The following GLIS3 variants were observed in gnomAD, a reference collection of about 807,000 sequenced individuals.
GLIS3 encodes the protein zinc finger protein GLIS3.
Under a neutral mutation model 78.6 loss-of-function variants are expected in GLIS3, and 53 were observed. That is an observed-to-expected ratio of 0.67 (90% confidence interval 0.54 to 0.85). The LOEUF is 0.85. Among genes scored for constraint, GLIS3 ranks in the 40% least tolerant of loss-of-function variants. GLIS3 has a pLI of 0.00. For synonymous variants in GLIS3, 684 were observed against 509.9 expected (o/e 1.34, Z -4.60); for missense variants, 1,703 against 1,231.1 (o/e 1.38, Z -5.74).
At chr9:4,229,623 T>C (rs947018738) in intron 2 of GLIS3, among the ~76,000 whole-genome samples, 17 of 152,300 alleles carry the variant, frequency 1.1e-4, no homozygotes, top group Middle Eastern at 3.4e-3. Flanking sequence ...AAGAAAAAAA[T>C]ATTTCCAGTT....
intron 4 of GLIS3, among the ~76,000 whole-genome samples, chr9:4,098,723 A>C (rs914949748): frequency 1.3e-5 from 2 of 152,196 alleles, no homozygotes; most frequent in Non-Finnish European, 1.5e-5. Context: ...TTATCGTAAA[A>C]AGTTTTACGA....
At chr9:4,356,334 C>G in the GLIS3 span, among the ~76,000 whole-genome samples, 1 of 152,196 alleles carries the variant, frequency 6.6e-6, no homozygotes, top group African/African-American at 2.4e-5. Context: ...ATCACTAACT[C>G]TCCAGCTACA....
At chr9:4,172,607 T>G (rs1206672602) in intron 2 of GLIS3, among the ~76,000 whole-genome samples, 1 of 152,196 alleles carries the variant, frequency 6.6e-6, no homozygotes, top group Non-Finnish European at 1.5e-5. Flanking sequence ...GAATGAATGA[T>G]AAATGAATAA....
chr9:4,206,948 C>A (rs1357214988), intron 2 of GLIS3, among the ~76,000 whole-genome samples: 1 of 152,164 alleles, frequency 6.6e-6, no homozygotes, highest in Non-Finnish European at 1.5e-5. Flanking sequence ...TGCTTAATAT[C>A]CTTATTTGGA....
chr9:3,918,814 A>G (rs1313942356), intron 6 of GLIS3, among the ~76,000 whole-genome samples: 2 of 152,240 alleles, frequency 1.3e-5, no homozygotes, highest in African/African-American at 2.4e-5. Flanking sequence ...GTCACCCTCA[A>G]TCAGAATGCC....
At chr9:4,394,562 G>A in the GLIS3 span, among the ~76,000 whole-genome samples, 6 of 152,168 alleles carry the variant, frequency 3.9e-5, no homozygotes, top group Admixed American at 3.3e-4. Context: ...GTGGGTGGAA[G>A]GAAAATTTAC....
intron 4 of GLIS3, among the ~76,000 whole-genome samples, chr9:4,093,593 G>T (rs1261303697): frequency 2.6e-5 from 4 of 152,124 alleles, no homozygotes; most frequent in Non-Finnish European, 5.9e-5. Context: ...CTTATTATGG[G>T]CTTGGCCTTC....
At chr9:4,259,531 C>A (rs34498325) in intron 2 of GLIS3, among the ~76,000 whole-genome samples, 1 of 151,932 alleles carries the variant, frequency 6.6e-6, no homozygotes, top group South Asian at 2.1e-4. Flanking sequence ...AAGCTGTTGA[C>A]AACTCACTAA....
At chr9:4,272,721 G>C (rs993832619) in intron 2 of GLIS3, among the ~76,000 whole-genome samples, 4 of 152,108 alleles carry the variant, frequency 2.6e-5, no homozygotes, top group African/African-American at 9.7e-5. Context: ...AAGTAATTTT[G>C]CTATTAACTT....
At chr9:4,347,970 T>C (rs1321734398) in intron 1 of GLIS3, among the ~76,000 whole-genome samples, 2 of 152,296 alleles carry the variant, frequency 1.3e-5, no homozygotes, top group Admixed American at 6.5e-5. Context: ...AGGAGTACCC[T>C]CATTAAAAAT....
chr9:4,125,465 C>T (rs1298226049), intron 3 of GLIS3, among the ~76,000 whole-genome samples: 1 of 152,192 alleles, frequency 6.6e-6, no homozygotes, highest in East Asian at 1.9e-4. Context: ...GTTTCAGTCA[C>T]TGAGGCCCCA....
At chr9:4,066,828 G>A (rs1198900845) in intron 4 of GLIS3, among the ~76,000 whole-genome samples, 1 of 152,312 alleles carries the variant, frequency 6.6e-6, no homozygotes, top group East Asian at 1.9e-4. Context: ...CACTGCTGCA[G>A]CAGCATGTGG....
chr9:4,100,671 C>G (rs948149242), intron 4 of GLIS3, among the ~76,000 whole-genome samples: 1 of 151,968 alleles, frequency 6.6e-6, no homozygotes, highest in African/African-American at 2.4e-5. Flanking sequence ...ACTCAGTTGA[C>G]TGTTTCTACA....
At chr9:4,422,812 C>T in the GLIS3 span, among the ~76,000 whole-genome samples, 1 of 152,162 alleles carries the variant, frequency 6.6e-6, no homozygotes, top group Non-Finnish European at 1.5e-5. Flanking sequence ...GATATTTGCA[C>T]TGAGACCTAG....
rs1314319443 is a variant in GLIS3, at chr9:4,118,059, G to A, written c.1419C>T (p.Leu473=). 1 of 1,583,698 alleles carries A rather than the reference G, an allele frequency of 6.3e-7. No individual in the cohort carries two copies. Among genetic ancestry groups the A allele is most frequent in the Non-Finnish European group, 8.6e-7 (1 of 1,165,032 alleles). The change falls in exon 4 of 11, where the codon CTC becomes CTT. Residue 473 remains leucine, a synonymous_variant. Transcript: ENST00000381971. The surrounding 1 kb of genome is among the most constrained non-coding windows in gnomAD (Gnocchi z 4.7). ...AGGCCAGCTGCTGGGCGTGGGGCCC[G>A]AGCTCCGGGTGGTGAAGGTGCGCAT... ...HAHAHLHHPE[L]GPHAQQLALP...
At chr9:4,443,173 C>T in the GLIS3 span, among the ~76,000 whole-genome samples, 8 of 152,196 alleles carry the variant, frequency 5.3e-5, no homozygotes, top group Admixed American at 5.2e-4. Context: ...TCTCATGGAA[C>T]ATTCTAGAGT....
chr9:3,907,602 C>G (rs376362569), intron 6 of GLIS3, among the ~76,000 whole-genome samples: 1 of 81,470 alleles, frequency 1.2e-5, no homozygotes, highest in African/African-American at 4.8e-5. Flanking sequence ...CCTCCACCCC[C>G]CAAACACACA....
chr9:4,345,419 A>T (rs1188875103), intron 2 of GLIS3, among the ~76,000 whole-genome samples: 1 of 152,020 alleles, frequency 6.6e-6, no homozygotes, highest in East Asian at 1.9e-4. Flanking sequence ...TATATTTTCC[A>T]TATCTGTTTA....
intron 7 of GLIS3, among the ~76,000 whole-genome samples, chr9:3,894,596 G>A (rs1458927231): frequency 1.3e-5 from 2 of 152,024 alleles, no homozygotes; most frequent in Non-Finnish European, 2.9e-5. Flanking sequence ...TTGTAAGAGA[G>A]AAGCCGTCAC....
Sources: gnomAD v4.1 joint callset for allele counts (sites outside exome capture counted in the v4.1 genomes callset) on GRCh38, gnomAD v4.1.1 for gene constraint, Gnocchi (gnomAD v3.1) non-coding constraint, MANE v1.5 for transcripts, NCBI Gene and HGNC (gene_info 2026-07-23, HGNC 2026-07-21) for gene names.